ARCN1: variants seen among roughly 807,000 people sequenced by gnomAD.
ARCN1 encodes the protein archain 1 coat protein complex I subunit delta, also known as coatomer subunit delta.
Under a neutral mutation model 60.4 loss-of-function variants are expected in ARCN1, and 5 were observed. The observed-to-expected ratio is 0.08, with a 90% CI of 0.04 to 0.17. The LOEUF is 0.17. ARCN1 is among the 10% of genes least tolerant of loss of function. ARCN1 has a pLI of 1.00. For missense variants in ARCN1, 464 were observed against 626.5 expected, an observed-to-expected ratio of 0.74 and a Z score of 2.77; for synonymous variants, 224 against 220.0, an observed-to-expected ratio of 1.02 and a Z score of -0.16.
At chr11:118,591,261 C>T (rs1021252972) in intron 6 of ARCN1, among the ~76,000 whole-genome samples, 1 of 152,180 alleles carries the variant, frequency 6.6e-6, no homozygotes, top group Non-Finnish European at 1.5e-5. Flanking sequence ...AGCCTTTTTA[C>T]GGAAGAGTGT....
intron 5 of ARCN1, among the ~76,000 whole-genome samples, chr11:118,586,597 G>A (rs561841092): frequency 9.9e-5 from 15 of 152,082 alleles, no homozygotes; most frequent in Admixed American, 2.6e-4. Flanking sequence ...TGAGGTGGGC[G>A]GATTGCCTGA....
chr11:118,593,555 A>G (rs1591390212), intron 7 of ARCN1, 35 bp from the exon 8 acceptor site: 1 of 1,478,756 alleles, frequency 6.8e-7, no homozygotes, highest in Non-Finnish European at 9.4e-7. Flanking sequence ...ATCTTTTTCT[A>G]ATATTCTAGT....
chr11:118,600,048 T>A (rs1225472474), intron 9 of ARCN1, among the ~76,000 whole-genome samples: 1 of 152,184 alleles, frequency 6.6e-6, no homozygotes, highest in Non-Finnish European at 1.5e-5. Flanking sequence ...TCCCAAAACT[T>A]CATTAGAAAA....
chr11:118,572,873 G>C (rs1938382417), intron 1 of ARCN1: 2 of 376,606 alleles, frequency 5.3e-6, no homozygotes, highest in Non-Finnish European at 9.7e-6. Context: ...CGGGTCCCAG[G>C]CTGCGGACCT....
At chr11:118,584,987 G>A (rs1215316371) in intron 5 of ARCN1, among the ~76,000 whole-genome samples, 1 of 151,608 alleles carries the variant, frequency 6.6e-6, no homozygotes, top group Non-Finnish European at 1.5e-5. Context: ...CCCTACGCCC[G>A]GCTAATTTTT....
At chr11:118,599,605 T>C (rs1262256081) in intron 9 of ARCN1, among the ~76,000 whole-genome samples, 1 of 151,582 alleles carries the variant, frequency 6.6e-6, no homozygotes, top group Admixed American at 6.6e-5. Flanking sequence ...TTTTTTTGTA[T>C]TTTTAGTAGA....
At chr11:118,586,462 T>C (rs1459387254) in intron 5 of ARCN1, among the ~76,000 whole-genome samples, 6 of 152,148 alleles carry the variant, frequency 3.9e-5, no homozygotes, top group Non-Finnish European at 8.8e-5. Context: ...GATAAATTTC[T>C]TGATTCACTA....
chr11:118,576,447 AAAC>A (rs1194586273), intron 1 of ARCN1, among the ~76,000 whole-genome samples: 13 of 148,598 alleles, frequency 8.7e-5, no homozygotes, highest in African/African-American at 3.2e-4. Context: ...AAAAAAAAAA[AAAC>A]CAAAAACTTT....
At chr11:118,590,556 T>C (rs782447147) in intron 6 of ARCN1, 50 bp downstream of exon 6, 10 of 1,574,430 alleles carry the variant, frequency 6.4e-6, no homozygotes, top group Non-Finnish European at 8.7e-6. Flanking sequence ...CTACCTATTA[T>C]AGTCTTTCTC....
rs140604872 is a variant in ARCN1, at chr11:118,585,085, C to A, written c.818+441C>A. Among the ~76,000 whole-genome samples, 778 of 152,228 alleles carry A rather than the reference C, an allele frequency of 5.1e-3. 10 individuals are homozygous for A. The highest frequency in any genetic ancestry group is 0.018 in the African/African-American group (750 of 41,544). On this transcript the variant is annotated intron_variant, in intron 5 of 9. Transcript: ENST00000264028. ...TTGTGATCCGCCTGACTCAGCCTCCCGAAGTGCTGGGATTACAGGCGTGAG... is the reference window on the plus strand; with the variant it reads ...TTGTGATCCGCCTGACTCAGCCTCCAGAAGTGCTGGGATTACAGGCGTGAG...
chr11:118,572,660 A>G (rs1938374185), intron 1 of ARCN1, 110 bp downstream of exon 1: 5 of 1,418,450 alleles, frequency 3.5e-6, no homozygotes, highest in East Asian at 2.6e-5. Flanking sequence ...GGTCTAGGGC[A>G]GAGTGCTTTT....
At chr11:118,580,901 G>A (rs1407592215) in intron 1 of ARCN1, among the ~76,000 whole-genome samples, 1 of 152,190 alleles carries the variant, frequency 6.6e-6, no homozygotes, top group Non-Finnish European at 1.5e-5. Flanking sequence ...GGGAGGCCAA[G>A]GCAGGAGGAT....
chr11:118,576,990 G>T (rs1555073773), intron 1 of ARCN1, among the ~76,000 whole-genome samples: 1 of 152,050 alleles, frequency 6.6e-6, no homozygotes, highest in African/African-American at 2.4e-5. Context: ...TTTGAGACCA[G>T]CCTGGGCAAC....
In ARCN1 at chr11:118,601,657, T is replaced by C. The variant is rs1939151441; in HGVS notation, c.*943T>C. ...AAAGATACGCATGTCTTCTGTTCTT[T>C]TCCCGTATCAATTCATTCCTTCATC... is the stretch of plus-strand genomic sequence containing the variant. On this transcript the variant is annotated 3_prime_UTR_variant, in exon 10 of 10. Transcript: ENST00000264028. 2 of 703,042 alleles carry C rather than the reference T, an allele frequency of 2.8e-6. No homozygotes were observed. The highest frequency in any genetic ancestry group is 5.4e-5 in the East Asian group (2 of 37,284). The allele number at this position is 703,042 out of a possible 1,614,324, so 43.6% of individuals were successfully genotyped here.
chr11:118,592,577 C>T, intron 6 of ARCN1, 132 bp from the exon 7 acceptor site: 1 of 612,114 alleles, frequency 1.6e-6, no homozygotes, highest in Non-Finnish European at 2.6e-6. Context: ...AATCTTTCTT[C>T]AAAATGAAAA....
At chr11:118,586,738 G>A (rs555552211) in intron 5 of ARCN1, among the ~76,000 whole-genome samples, 3 of 151,892 alleles carry the variant, frequency 2.0e-5, no homozygotes, top group Non-Finnish European at 4.4e-5. Flanking sequence ...TGTAGTCCCA[G>A]CTACTCAGGA....
At chr11:118,597,622 A>C (rs1402575811) in intron 8 of ARCN1, 85 bp from the exon 9 acceptor site, 9 of 1,470,624 alleles carry the variant, frequency 6.1e-6, no homozygotes, top group Admixed American at 6.1e-5. Context: ...AAATTTGGGG[A>C]TCATATATCA....
intron 1 of ARCN1, among the ~76,000 whole-genome samples, chr11:118,578,001 G>T (rs1938561708): frequency 6.6e-6 from 1 of 151,918 alleles, no homozygotes; most frequent in Middle Eastern, 3.4e-3. Flanking sequence ...ATTAAAAATA[G>T]AAAAATTAGC....
intron 1 of ARCN1, among the ~76,000 whole-genome samples, chr11:118,574,739 CAAAG>C (rs1252399350): frequency 1.3e-5 from 2 of 150,752 alleles, no homozygotes; most frequent in Non-Finnish European, 3.0e-5. Flanking sequence ...AAATAAAGTA[CAAAG>C]AAAGGCATCT....
Sources: gnomAD v4.1 joint callset for allele counts (sites outside exome capture counted in the v4.1 genomes callset) on GRCh38, gnomAD v4.1.1 for gene constraint, MANE v1.5 for transcripts, NCBI Gene and HGNC (gene_info 2026-07-23, HGNC 2026-07-21) for gene names.